The following DNAH7 variants were observed in gnomAD, a reference collection of about 807,000 sequenced individuals.
DNAH7 encodes the protein axonemal beta dynein heavy chain 7.
DNAH7 carries 397 observed loss-of-function variants against 444.6 expected under a neutral mutation model. The observed-to-expected ratio is 0.89, with a 90% CI of 0.82 to 0.97. The LOEUF is 0.97. Ranked by LOEUF, DNAH7 falls within the 50% of genes least tolerant of loss-of-function variation. The probability of loss-of-function intolerance (pLI) is 0.00; values close to 1 mark genes in which losing one functional copy is unlikely to be tolerated. For missense variants in DNAH7, 4,902 were observed against 4,800.8 expected (o/e 1.02, Z -0.62); for synonymous variants, 1,636 against 1,624.4 (o/e 1.01, Z -0.17).
intron 12 of DNAH7, among the ~76,000 whole-genome samples, chr2:195,996,374 T>C (rs1158050722): frequency 2.0e-5 from 3 of 152,172 alleles, no homozygotes; most frequent in Admixed American, 6.5e-5. Flanking sequence ...TTTCTTTCCA[T>C]TTTAGAGGAC....
At chr2:196,025,815 T>C (rs1695650055) in intron 7 of DNAH7, among the ~76,000 whole-genome samples, 1 of 152,196 alleles carries the variant, frequency 6.6e-6, no homozygotes, top group African/African-American at 2.4e-5. Context: ...ATAAATACAA[T>C]GAATGTCCTC....
In DNAH7 at chr2:195,765,733, G is replaced by GC. The variant is rs1266945675; in HGVS notation, c.11433+5926dup. 2.0e-5 allele frequency among the ~76,000 whole-genome samples: 3 copies of GC among 152,140 alleles called. No homozygotes were observed. The East Asian group carries it at 5.8e-4, about 29-fold the overall frequency. ...ATCCAAAAGACAGACAGTAACAAAT[G>GC]CAGGTGAGAATGTGGAGAAAAGGGA... On this transcript the variant is annotated intron_variant, in intron 61 of 64. Coordinates refer to ENST00000312428, the MANE Select transcript of DNAH7 (RefSeq NM_018897.3).
chr2:195,997,563 T>C (rs1693775272), intron 12 of DNAH7, among the ~76,000 whole-genome samples: 1 of 152,138 alleles, frequency 6.6e-6, no homozygotes, highest in African/African-American at 2.4e-5. Flanking sequence ...TTATGAGAAA[T>C]GATATTTTGT....
chr2:195,924,706 T>C (rs550484060), intron 22 of DNAH7, among the ~76,000 whole-genome samples: 1 of 151,728 alleles, frequency 6.6e-6, no homozygotes, highest in East Asian at 1.9e-4. Flanking sequence ...CTAGTAACTC[T>C]CACATAAGCT....
chr2:195,818,307 T>C (rs1008756191), intron 49 of DNAH7, among the ~76,000 whole-genome samples: 3 of 152,242 alleles, frequency 2.0e-5, no homozygotes, highest in Non-Finnish European at 1.5e-5. Context: ...GGGAACACTG[T>C]AGTTACTTGT....
Position 196,047,511 on chromosome 2 carries a change from AC to A in DNAH7, c.251-13del, listed in dbSNP as rs1451887943. 3 of 1,535,810 alleles carry A rather than the reference AC, an allele frequency of 2.0e-6. No homozygotes were observed. The highest frequency in any genetic ancestry group is 1.9e-5 in the Admixed American group (1 of 51,952). ...TTCCATGTATTCAGCTTAAATTAAA[AC>A]AAAAAAAAAAGCACAATTATTCATC... On this transcript the variant is annotated splice_polypyrimidine_tract_variant and intron_variant, in intron 4 of 64. Coordinates refer to ENST00000312428, the MANE Select transcript of DNAH7 (RefSeq NM_018897.3).
chr2:195,770,957 A>C (rs1392374209), intron 61 of DNAH7, among the ~76,000 whole-genome samples: 1 of 151,444 alleles, frequency 6.6e-6, no homozygotes, highest in Non-Finnish European at 1.5e-5. Context: ...TGGCCTCCCA[A>C]AGTGCTAGGA....
rs755306696 is a variant in DNAH7, at chr2:195,771,668, C to T, written c.11425G>A (p.Ala3809Thr). 3 of 1,611,762 alleles carry T rather than the reference C, an allele frequency of 1.9e-6. No homozygotes were observed. Among genetic ancestry groups the T allele is most frequent in the Non-Finnish European group, 2.5e-6 (3 of 1,178,026 alleles). ...IRDSCVNIQK[A>T]IKGLAVMSTD... Reference sequence around the variant, plus strand: ...GGTGTTTTTCACCTTACCTTGATTGCTTTTTGAATATTTACGCACGAATCT... The same window carrying T: ...GGTGTTTTTCACCTTACCTTGATTGTTTTTTGAATATTTACGCACGAATCT... The change falls in exon 61 of 65, where the codon GCA (alanine) becomes ACA (threonine). Residue 3809 changes from alanine to threonine, a missense_variant. Coordinates refer to ENST00000312428, the MANE Select transcript of DNAH7 (RefSeq NM_018897.3).
rs375896445 is a variant in DNAH7 at position 195,956,422 on chromosome 2, G to A, written c.3078+839C>T. ...TCCCAGCATTTTGGGAGGCCGAGGC[G>A]GGTGGATCACTTGAGGTCAAGAGAT... is the stretch of plus-strand genomic sequence containing the variant. On this transcript the variant is annotated intron_variant, in intron 19 of 64. Transcript: ENST00000312428. Among the ~76,000 whole-genome samples, 8 of 152,188 alleles carry A rather than the reference G, an allele frequency of 5.3e-5. 1 individual carries two copies. Among genetic ancestry groups the A allele is most frequent in the Non-Finnish European group, 4.4e-5 (3 of 68,016 alleles).
At chr2:195,943,332 G>A (rs956678706) in intron 19 of DNAH7, among the ~76,000 whole-genome samples, 5 of 152,034 alleles carry the variant, frequency 3.3e-5, no homozygotes, top group Admixed American at 6.6e-5. Context: ...TACTATTACC[G>A]ATGTCAGTCA....
In DNAH7 at chr2:195,876,665, T is replaced by C. The variant is rs1424103761; in HGVS notation, c.5996A>G (p.Tyr1999Cys). 1 of 1,604,788 alleles carries C rather than the reference T, an allele frequency of 6.2e-7. No individual in the cohort carries two copies. The highest frequency in any genetic ancestry group is 8.5e-7 in the Non-Finnish European group (1 of 1,172,554). ...TGAGAAGTTAATTAGCAGAGGTTTGTAGATTTCCTTATTTAGTTGATTTAA... is the reference window on the plus strand; with the variant it reads ...TGAGAAGTTAATTAGCAGAGGTTTGCAGATTTCCTTATTTAGTTGATTTAA... ...FLLNQLNKEI[Y>C]KPLLINFSAQ... is the part of the protein sequence containing the mutation. Residue 1999 changes from tyrosine to cysteine, a missense_variant, in exon 37 of 65, where the codon TAC (tyrosine) becomes TGC (cysteine). Physicochemically the swap from Tyr to Cys is radical, Grantham distance 194. Transcript: ENST00000312428.
intron 1 of DNAH7, among the ~76,000 whole-genome samples, chr2:196,062,177 A>G (rs1698167712): frequency 6.6e-6 from 1 of 152,228 alleles, no homozygotes; most frequent in Non-Finnish European, 1.5e-5. Flanking sequence ...ATGCCCTCCT[A>G]TATTTCTTTG....
At position 195,824,465 on chromosome 2, in the gene DNAH7, G is replaced by T. The variant is rs534426816; in HGVS notation, c.9101-20C>A. ...GCAACACTGGAGTAAAATCAGAAAA[G>T]ATTTCATGTTATTTTAAATATTGAC... On this transcript the variant is annotated intron_variant, in intron 48 of 64. Transcript: ENST00000312428. 8.9e-6 allele frequency: 14 copies of T among 1,568,916 alleles called. No individual in the cohort carries two copies. The highest frequency in any genetic ancestry group is 6.8e-5 in the East Asian group (3 of 44,182).
intron 57 of DNAH7, among the ~76,000 whole-genome samples, chr2:195,787,379 G>A (rs374233287): frequency 9.9e-5 from 15 of 152,214 alleles, no homozygotes; most frequent in South Asian, 2.1e-4. Context: ...ACATAGCTAT[G>A]CACACATAGC....
chr2:195,987,795 T>C (rs1249756239), intron 13 of DNAH7, among the ~76,000 whole-genome samples, 162 bp downstream of exon 13: 1 of 152,060 alleles, frequency 6.6e-6, no homozygotes, highest in Non-Finnish European at 1.5e-5. Context: ...ATTCTTATAC[T>C]CAGGGCTTAC....
At chr2:195,764,613 T>C (rs1396360277) in intron 61 of DNAH7, among the ~76,000 whole-genome samples, 2 of 151,630 alleles carry the variant, frequency 1.3e-5, no homozygotes, top group Admixed American at 6.6e-5. Flanking sequence ...GAAAAGGAAA[T>C]CAAGAAATCA....
At chr2:196,036,181 G>A (rs545919069) in intron 5 of DNAH7, among the ~76,000 whole-genome samples, 9 of 152,048 alleles carry the variant, frequency 5.9e-5, no homozygotes, top group East Asian at 1.9e-4. Context: ...ACAGGTGCCC[G>A]CCACCATGCC....
At position 195,799,334 on chromosome 2, in the gene DNAH7, C is replaced by A; in HGVS notation, c.10315G>T (p.Asp3439Tyr). The A allele has an allele frequency of 6.2e-7, 1 of 1,601,610 alleles. No homozygotes were observed. Among genetic ancestry groups the A allele is most frequent in the Non-Finnish European group, 8.5e-7 (1 of 1,173,940 alleles). The change falls in exon 55 of 65, where the codon GAT becomes TAT. Residue 3439 changes from aspartate to tyrosine, a missense_variant. By Grantham distance (160) the Asp-to-Tyr change is radical. Transcript: ENST00000312428. ...PLIFVLSPGA[D>Y]PMAALLKFAD... Reference sequence around the variant, plus strand: ...AATTTTAGAAGGGCAGCCATGGGATCTGCTCCAGGAGAGAGCACGAAAATC... The same window carrying A: ...AATTTTAGAAGGGCAGCCATGGGATATGCTCCAGGAGAGAGCACGAAAATC...
At chr2:196,043,466 A>C (rs556670902) in intron 5 of DNAH7, among the ~76,000 whole-genome samples, 1 of 152,208 alleles carries the variant, frequency 6.6e-6, no homozygotes. Flanking sequence ...AAAATTCTAG[A>C]AGATTACATC....
Sources: gnomAD v4.1 joint callset for allele counts (sites outside exome capture counted in the v4.1 genomes callset) on GRCh38, gnomAD v4.1.1 for gene constraint, MANE v1.5 for transcripts, NCBI Gene and HGNC (gene_info 2026-07-23, HGNC 2026-07-21) for gene names.